DACH1: variants seen among roughly 807,000 people sequenced by gnomAD.
DACH1 encodes dachshund homolog 1.
A neutral mutation model predicts 54.2 loss-of-function variants in DACH1; 12 were observed. That is an observed-to-expected ratio of 0.22 (90% confidence interval 0.14 to 0.36). The LOEUF (loss-of-function observed/expected upper bound fraction) is 0.36, where lower values mean the gene tolerates loss of function less well. DACH1 is among the 10% of genes least tolerant of loss of function. The pLI is 1.00. For missense variants in DACH1, 805 were observed against 929.8 expected, an observed-to-expected ratio of 0.87 and a Z score of 1.75; for synonymous variants, 386 against 366.2, an observed-to-expected ratio of 1.05 and a Z score of -0.62.
intron 1 of DACH1, among the ~76,000 whole-genome samples, chr13:71,850,335 G>A (rs1022063329): frequency 6.6e-6 from 1 of 151,972 alleles, no homozygotes; most frequent in Non-Finnish European, 1.5e-5. Context: ...CAACACCTTC[G>A]GGCCCTTCCA....
At position 71,497,574 on chromosome 13, in the gene DACH1, C is replaced by T. The variant is rs1049713434; in HGVS notation, c.1571-8426G>A. Among the ~76,000 whole-genome samples the T allele has an allele frequency of 4.6e-5, 7 of 152,048 alleles. No individual in the cohort carries two copies. In the East Asian group the frequency reaches 7.7e-4, roughly 17 times the overall value. On this transcript the variant is annotated intron_variant, in intron 6 of 10. Coordinates refer to ENST00000613252, the MANE Select transcript of DACH1 (RefSeq NM_080759.6). ...CTCGAACTCCCCACCTTGGGTGATC[C>T]GCCTGCCTCGGCCTCCCAAAGTGCT...
At chr13:71,475,260 G>T in intron 9 of DACH1, 51 bp from the exon 10 acceptor site, 1 of 1,449,024 alleles carries the variant, frequency 6.9e-7, no homozygotes, top group Non-Finnish European at 9.6e-7. Context: ...GATTCCTATT[G>T]TCCTTTAAAA....
chr13:71,654,556 G>T (rs1878959733), intron 2 of DACH1, among the ~76,000 whole-genome samples: 1 of 151,190 alleles, frequency 6.6e-6, no homozygotes, highest in Admixed American at 6.6e-5. Context: ...CAAACCAGAT[G>T]TGTCTAACTC....
At chr13:71,813,868 G>A (rs1887813390) in intron 1 of DACH1, among the ~76,000 whole-genome samples, 1 of 152,106 alleles carries the variant, frequency 6.6e-6, no homozygotes, top group Non-Finnish European at 1.5e-5. Flanking sequence ...GAGACCCAAA[G>A]CCTAAAGAGA....
rs1349374869 is a variant in DACH1, at chr13:71,475,122, G to C, written c.2083+19C>G. On this transcript the variant is annotated intron_variant, in intron 10 of 10. Coordinates refer to ENST00000613252, the MANE Select transcript of DACH1 (RefSeq NM_080759.6). ...TCATATAGCAAGATCTAGATTTATA[G>C]CCTTCTGCAAATTCCTACCTTGTAT... The C allele has an allele frequency of 8.1e-6, 13 of 1,610,746 alleles. No homozygotes were observed. Among genetic ancestry groups the C allele is most frequent in the African/African-American group, 1.3e-5 (1 of 74,976 alleles).
At chr13:71,814,368 T>C (rs1887831558) in intron 1 of DACH1, among the ~76,000 whole-genome samples, 1 of 152,250 alleles carries the variant, frequency 6.6e-6, no homozygotes, top group Non-Finnish European at 1.5e-5. Context: ...TACTTAATTC[T>C]TCCTTCACAT....
At chr13:71,725,304 A>G (rs567776302) in intron 1 of DACH1, among the ~76,000 whole-genome samples, 2 of 152,266 alleles carry the variant, frequency 1.3e-5, no homozygotes, top group South Asian at 4.1e-4. Context: ...AGTTTCAAAA[A>G]AGAAGACAAA....
At chr13:71,748,837 AT>A (rs996380692) in intron 1 of DACH1, among the ~76,000 whole-genome samples, 1 of 149,306 alleles carries the variant, frequency 6.7e-6, no homozygotes, top group African/African-American at 2.5e-5. Flanking sequence ...TATAAAAAAT[AT>A]TTTTTCTCTT....
intron 1 of DACH1, among the ~76,000 whole-genome samples, chr13:71,753,993 C>T (rs1010849848): frequency 7.9e-5 from 12 of 152,144 alleles, no homozygotes; most frequent in Non-Finnish European, 1.2e-4. Context: ...ACCAAAATAA[C>T]ATACTAAATC....
At chr13:71,671,360 A>T (rs2138676690) in intron 2 of DACH1, among the ~76,000 whole-genome samples, 1 of 152,190 alleles carries the variant, frequency 6.6e-6, no homozygotes, top group East Asian at 1.9e-4. Context: ...TATTCCATCC[A>T]TAAAAAACAG....
intron 1 of DACH1, among the ~76,000 whole-genome samples, chr13:71,697,360 G>A (rs954501957): frequency 2.0e-5 from 3 of 152,138 alleles, no homozygotes; most frequent in South Asian, 2.1e-4. Flanking sequence ...ATGGTACTCC[G>A]ACTTGTCAGA....
chr13:71,692,786 G>A (rs1881589750), intron 1 of DACH1, among the ~76,000 whole-genome samples: 1 of 151,892 alleles, frequency 6.6e-6, no homozygotes, highest in South Asian at 2.1e-4. Context: ...CTCCCAAAGT[G>A]CTGGGATTAC....
chr13:71,528,522 G>A (rs1478937639), intron 6 of DACH1, among the ~76,000 whole-genome samples: 1 of 147,126 alleles, frequency 6.8e-6, no homozygotes, highest in African/African-American at 2.5e-5. Flanking sequence ...CCGCCTCCCG[G>A]GTTCACGCCA....
chr13:71,627,292 T>C (rs1291456628), intron 3 of DACH1, among the ~76,000 whole-genome samples: 1 of 150,680 alleles, frequency 6.6e-6, no homozygotes, highest in Non-Finnish European at 1.5e-5. Context: ...TATCTGGGGC[T>C]TTAAGGATTC....
chr13:71,617,011 A>G (rs1875832715), intron 3 of DACH1, among the ~76,000 whole-genome samples: 2 of 151,554 alleles, frequency 1.3e-5, no homozygotes, highest in African/African-American at 4.9e-5. Flanking sequence ...CCTCCCGAGT[A>G]GCTGGGATTA....
At chr13:71,621,701 T>C (rs1194307631) in intron 3 of DACH1, among the ~76,000 whole-genome samples, 2 of 152,160 alleles carry the variant, frequency 1.3e-5, no homozygotes, top group Admixed American at 1.3e-4. Context: ...ATCAACACTC[T>C]TTGCTTATCA....
intron 1 of DACH1, among the ~76,000 whole-genome samples, chr13:71,698,576 A>G (rs1337084754): frequency 6.6e-6 from 1 of 152,174 alleles, no homozygotes; most frequent in Non-Finnish European, 1.5e-5. Context: ...AAAGGCTCAT[A>G]TAATTGTGTT....
intron 2 of DACH1, among the ~76,000 whole-genome samples, chr13:71,671,204 T>A (rs1016775396): frequency 6.6e-6 from 1 of 151,878 alleles, no homozygotes; most frequent in Non-Finnish European, 1.5e-5. Flanking sequence ...ATTGACTAAT[T>A]TTACAGCTAT....
intron 1 of DACH1, among the ~76,000 whole-genome samples, chr13:71,862,065 T>C (rs567687410): frequency 6.6e-6 from 1 of 152,100 alleles, no homozygotes; most frequent in South Asian, 2.1e-4. Flanking sequence ...TTTGTGAATA[T>C]ATGTATGTGC....
Sources: gnomAD v4.1 joint callset for allele counts (sites outside exome capture counted in the v4.1 genomes callset) on GRCh38, gnomAD v4.1.1 for gene constraint, MANE v1.5 for transcripts, NCBI Gene and HGNC (gene_info 2026-07-23, HGNC 2026-07-21) for gene names.